The following PHLPP1 variants were observed in gnomAD, a reference collection of about 807,000 sequenced individuals.
The protein encoded by PHLPP1 is PH domain leucine-rich repeat-containing protein phosphatase 1.
Under a neutral mutation model 117.2 loss-of-function variants are expected in PHLPP1, and 42 were observed. That is an observed-to-expected ratio of 0.36 (90% confidence interval 0.28 to 0.46). The LOEUF is 0.46. Ranked by LOEUF, PHLPP1 falls within the 20% of genes least tolerant of loss-of-function variation. The probability of loss-of-function intolerance (pLI) is 1.00; values close to 1 mark genes in which losing one functional copy is unlikely to be tolerated. For synonymous variants in PHLPP1, 1,042 were observed against 970.7 expected (o/e 1.07, Z -1.37); for missense variants, 2,084 against 2,241.9 (o/e 0.93, Z 1.42).
Position 62,764,270 on chromosome 18 carries a change from T to G in PHLPP1, c.1576+47011T>G, listed in dbSNP as rs75922139. On this transcript the variant is annotated intron_variant, in intron 1 of 16. Transcript: ENST00000262719. ...CTGTTCTGTTTTCTTATACCTCTGT[T>G]CATTTATAGGCAGATTATTCTTTCT... 2.4e-3 allele frequency among the ~76,000 whole-genome samples: 358 copies of G among 152,304 alleles called. 14 individuals carry two copies. In the East Asian group the frequency reaches 0.057, roughly 24 times the overall value.
chr18:62,753,794 T>A (rs1195199450), intron 1 of PHLPP1, among the ~76,000 whole-genome samples: 1 of 152,236 alleles, frequency 6.6e-6, no homozygotes, highest in Non-Finnish European at 1.5e-5. Flanking sequence ...TTTTAAAGTT[T>A]GCAGTTTATT....
intron 1 of PHLPP1, among the ~76,000 whole-genome samples, chr18:62,791,675 A>T (rs1913462256): frequency 6.6e-6 from 1 of 152,244 alleles, no homozygotes; most frequent in Non-Finnish European, 1.5e-5. Context: ...TAGGAAAGCA[A>T]GATAGTACAG....
intron 1 of PHLPP1, among the ~76,000 whole-genome samples, chr18:62,754,686 A>G (rs1911958507): frequency 6.6e-6 from 1 of 152,234 alleles, no homozygotes; most frequent in East Asian, 1.9e-4. Flanking sequence ...TCAAAACGTA[A>G]TGGAAGTCAT....
intron 4 of PHLPP1, chr18:62,889,461 C>CA (rs1303927850): frequency 6.6e-6 from 1 of 152,158 alleles, no homozygotes; most frequent in Non-Finnish European, 1.5e-5. Context: ...GTCCTGGAAA[C>CA]ACAGATTCCA....
At chr18:62,779,537 CT>C (rs1913061859) in intron 1 of PHLPP1, 1 of 152,156 alleles carries the variant, frequency 6.6e-6, no homozygotes, top group South Asian at 2.1e-4. Context: ...ACTGAAGTAA[CT>C]GACAGTCAGA....
chr18:62,956,136 G>T (rs1486937074), intron 12 of PHLPP1, among the ~76,000 whole-genome samples: 5 of 152,176 alleles, frequency 3.3e-5, no homozygotes, highest in Admixed American at 6.5e-5. Flanking sequence ...ATTAAAGGTG[G>T]TGGTATATTA....
chr18:62,794,481 C>T (rs2144293331), intron 1 of PHLPP1, among the ~76,000 whole-genome samples: 1 of 152,124 alleles, frequency 6.6e-6, no homozygotes, highest in Non-Finnish European at 1.5e-5. Flanking sequence ...ATCCTCTTAA[C>T]CTCAACCTTC....
chr18:62,770,689 C>T (rs1912733299), intron 1 of PHLPP1, among the ~76,000 whole-genome samples: 2 of 151,448 alleles, frequency 1.3e-5, no homozygotes, highest in African/African-American at 2.4e-5. Context: ...ATTGAATATT[C>T]CATTTCCAAA....
rs1443886868 is a variant in PHLPP1, at chr18:62,899,877, C to T, written c.2445-3087C>T. ...GAGAGATGGGACCGCAGTTTGTTGCCTAGGCTGGCTCAAACTCTTGGGCTC... is the reference window on the plus strand; with the variant it reads ...GAGAGATGGGACCGCAGTTTGTTGCTTAGGCTGGCTCAAACTCTTGGGCTC... On this transcript the variant is annotated intron_variant, in intron 6 of 16. Coordinates refer to ENST00000262719, the MANE Select transcript of PHLPP1 (RefSeq NM_194449.4). 1.1e-4 allele frequency among the ~76,000 whole-genome samples: 17 copies of T among 152,200 alleles called. 1 individual carries two copies. The highest frequency in any genetic ancestry group is 1.5e-5 in the Non-Finnish European group (1 of 68,034).
At chr18:62,906,355 CGCA>C (rs1443854805) in intron 8 of PHLPP1, 6 of 152,110 alleles carry the variant, frequency 3.9e-5, no homozygotes, top group African/African-American at 1.5e-4. Flanking sequence ...GCGTGAGCGA[CGCA>C]GAAGACGGGT....
intron 1 of PHLPP1, among the ~76,000 whole-genome samples, chr18:62,734,577 T>C (rs1242528077): frequency 6.6e-6 from 1 of 152,228 alleles, no homozygotes; most frequent in Admixed American, 6.5e-5. Flanking sequence ...AGCTGCTTTT[T>C]GCTTTTTGTG....
At chr18:62,951,378 A>AT (rs1267023799) in intron 12 of PHLPP1, among the ~76,000 whole-genome samples, 2 of 152,206 alleles carry the variant, frequency 1.3e-5, no homozygotes, top group African/African-American at 4.8e-5. Flanking sequence ...TATTGCATAC[A>AT]TTTTATGGAA....
intron 8 of PHLPP1, among the ~76,000 whole-genome samples, chr18:62,905,984 A>G (rs1224988633): frequency 6.6e-6 from 1 of 151,946 alleles, no homozygotes; most frequent in Non-Finnish European, 1.5e-5. Context: ...TTAACAATGA[A>G]TTTTAAAATT....
At chr18:62,823,502 C>CTGTA (rs886567600) in intron 1 of PHLPP1, among the ~76,000 whole-genome samples, 6 of 151,738 alleles carry the variant, frequency 4.0e-5, no homozygotes, top group African/African-American at 1.5e-4. Flanking sequence ...AAGGTTGAGA[C>CTGTA]TGTAGCAAGC....
intron 14 of PHLPP1, among the ~76,000 whole-genome samples, chr18:62,965,064 A>G (rs1391569646): frequency 6.6e-6 from 1 of 152,220 alleles, no homozygotes; most frequent in East Asian, 1.9e-4. Context: ...TCATTGAAAG[A>G]GAAAAATAAA....
chr18:62,864,677 CT>C (rs1453490901), intron 4 of PHLPP1, among the ~76,000 whole-genome samples: 1 of 152,212 alleles, frequency 6.6e-6, no homozygotes, highest in African/African-American at 2.4e-5. Flanking sequence ...AGAAGGCTTT[CT>C]ATTAACTAGG....
intron 1 of PHLPP1, among the ~76,000 whole-genome samples, chr18:62,769,976 A>G (rs961931738): frequency 2.6e-5 from 4 of 152,206 alleles, no homozygotes; most frequent in African/African-American, 7.2e-5. Context: ...GAAGGAGGCC[A>G]TCATCTTTCC....
intron 1 of PHLPP1, among the ~76,000 whole-genome samples, chr18:62,733,720 C>T (rs138338966): frequency 1.8e-4 from 28 of 152,278 alleles, no homozygotes; most frequent in African/African-American, 4.1e-4. Flanking sequence ...ACATAGTATT[C>T]GCAGGTTACT....
chr18:62,715,785 A>AGCG lies in PHLPP1; in HGVS notation c.108_110dup (p.Ala40dup). ...CCGCCGCTGCGGCAGCAGCAGCAGC[A>AGCG]GCGGCGGCCGCGGCGGCTCTGGCGG... On this transcript the variant is annotated inframe_insertion, in exon 1 of 17. Transcript: ENST00000262719. 1.4e-6 allele frequency: 1 copy of AGCG among 693,260 alleles called. No homozygotes were observed. Among genetic ancestry groups the AGCG allele is most frequent in the Non-Finnish European group, 1.8e-6 (1 of 562,892 alleles). The allele number at this position is 693,260 out of a possible 1,614,324, so 42.9% of individuals were successfully genotyped here. A position where few individuals can be genotyped will look rare whatever the true frequency, so the allele number is the denominator to read the frequency against.
Sources: gnomAD v4.1 joint callset for allele counts (sites outside exome capture counted in the v4.1 genomes callset) on GRCh38, gnomAD v4.1.1 for gene constraint, MANE v1.5 for transcripts, NCBI Gene and HGNC (gene_info 2026-07-23, HGNC 2026-07-21) for gene names.